The following KRIT1 variants were observed in gnomAD, a reference collection of about 807,000 sequenced individuals.
The protein encoded by KRIT1 is KRIT1 ankyrin repeat containing.
Under a neutral mutation model 95.8 loss-of-function variants are expected in KRIT1, and 45 were observed. The ratio of observed to expected loss-of-function variants is 0.47; its 90% CI spans 0.37 to 0.60. The LOEUF is 0.60. KRIT1 is among the 20% of genes least tolerant of loss of function. The pLI is 0.00. For synonymous variants in KRIT1, 282 were observed against 278.8 expected (o/e 1.01, Z -0.11); for missense variants, 788 against 877.5 (o/e 0.90, Z 1.29).
In KRIT1 at chr7:92,230,242, C is replaced by T. The variant is rs138445507; in HGVS notation, c.990-3560G>A. Among the ~76,000 whole-genome samples the T allele has an allele frequency of 3.5e-3, 536 of 152,070 alleles. 9 individuals carry two copies. Among genetic ancestry groups the T allele is most frequent in the Middle Eastern group, 0.027 (8 of 292 alleles). On this transcript the variant is annotated intron_variant, in intron 10 of 18. Transcript: ENST00000394505. ...GCTTGATGCAGTTAACTAACTTGCC[C>T]AACGTCTCATGGTGACTAGCCAGAG...
At chr7:92,220,318 T>C (rs990591220) in intron 14 of KRIT1, among the ~76,000 whole-genome samples, 2 of 152,192 alleles carry the variant, frequency 1.3e-5, no homozygotes, top group African/African-American at 4.8e-5. Flanking sequence ...ATTCTATTAA[T>C]GTGATTCTAA....
At chr7:92,240,248 C>T (rs1053454933) in intron 5 of KRIT1, among the ~76,000 whole-genome samples, 1 of 152,064 alleles carries the variant, frequency 6.6e-6, no homozygotes, top group Non-Finnish European at 1.5e-5. Flanking sequence ...CAACAAAAAC[C>T]ATCTCTTTAC....
At position 92,222,011 on chromosome 7, in the gene KRIT1, C is replaced by G; in HGVS notation, c.1454G>C (p.Arg485Pro). 6.2e-7 allele frequency: 1 copy of G among 1,613,496 alleles called. No individual in the cohort carries two copies. The highest frequency in any genetic ancestry group is 8.5e-7 in the Non-Finnish European group (1 of 1,179,544). ...KPYHKPLQHV[R>P]DWPEILAELT... ...TTCAGCAAGTATTTCTGGCCAGTCA[C>G]GAACATGTTGCAAGGGTTTATGATA... Residue 485 changes from arginine to proline, a missense_variant, in exon 14 of 19, where the codon CGT becomes CCT. By Grantham distance (103) the Arg-to-Pro change is moderately radical. Around this residue, in one of 3 missense-constraint regions of KRIT1, gnomAD observed 493 missense variants for 582.3 expected, o/e 0.85. Coordinates refer to ENST00000394505, the MANE Select transcript of KRIT1 (RefSeq NM_194454.3).
In KRIT1 at chr7:92,222,817, C is replaced by T. The variant is rs1795401073; in HGVS notation, c.1411+5G>A. The T allele has an allele frequency of 1.3e-6, 2 of 1,583,760 alleles. No individual in the cohort carries two copies. Among genetic ancestry groups the T allele is most frequent in the South Asian group, 2.2e-5 (2 of 90,458 alleles). ...TTTACTATAACATAATAAAAACTTT[C>T]TTACTGAGGTTTTCTGAACAAATCC... On this transcript the variant is annotated splice_donor_5th_base_variant and intron_variant, in intron 13 of 18. Coordinates refer to ENST00000394505, the MANE Select transcript of KRIT1 (RefSeq NM_194454.3).
intron 10 of KRIT1, among the ~76,000 whole-genome samples, chr7:92,233,635 G>C (rs192475664): frequency 1.0e-3 from 155 of 152,110 alleles, no homozygotes; most frequent in Middle Eastern, 3.4e-3. Context: ...TTGATCTCCT[G>C]ACCTCGTGAT....
chr7:92,231,688 A>G (rs1245567392), intron 10 of KRIT1, among the ~76,000 whole-genome samples: 1 of 152,210 alleles, frequency 6.6e-6, no homozygotes, highest in Non-Finnish European at 1.5e-5. Context: ...TTTACTGAAT[A>G]GTTAAATCAT....
At chr7:92,203,512 T>C (rs931569071) in intron 17 of KRIT1, among the ~76,000 whole-genome samples, 5 of 152,208 alleles carry the variant, frequency 3.3e-5, no homozygotes, top group African/African-American at 1.2e-4. Context: ...GAACCTCTTA[T>C]CTAAGGAAAA....
chr7:92,242,860 G>C (rs889768139), intron 3 of KRIT1, among the ~76,000 whole-genome samples: 1 of 152,054 alleles, frequency 6.6e-6, no homozygotes, highest in African/African-American at 2.4e-5. Flanking sequence ...CTGTCACTTA[G>C]GCTAGAGTGC....
At chr7:92,203,224 T>C (rs1230992553) in intron 17 of KRIT1, among the ~76,000 whole-genome samples, 1 of 152,252 alleles carries the variant, frequency 6.6e-6, no homozygotes, top group Admixed American at 6.5e-5. Context: ...GAAGGTATTT[T>C]TGCAGATGAA....
At chr7:92,217,351 C>T (rs1040326381) in intron 14 of KRIT1, among the ~76,000 whole-genome samples, 8 of 152,188 alleles carry the variant, frequency 5.3e-5, no homozygotes, top group African/African-American at 1.9e-4. Context: ...CAACATTGTG[C>T]TACCATCACT....
chr7:92,221,480 G>A (rs1257170352), intron 14 of KRIT1, among the ~76,000 whole-genome samples: 4 of 151,734 alleles, frequency 2.6e-5, no homozygotes, highest in Non-Finnish European at 4.4e-5. Context: ...AATGACTTTC[G>A]CATTCTTCCC....
chr7:92,240,008 G>C (rs1024745018), intron 5 of KRIT1, among the ~76,000 whole-genome samples: 1 of 151,908 alleles, frequency 6.6e-6, no homozygotes, highest in Admixed American at 6.6e-5. Context: ...TGCACCTCAC[G>C]TCTTATAAGT....
intron 7 of KRIT1, chr7:92,236,149 GT>G (rs1272590116): frequency 2.8e-6 from 1 of 356,556 alleles, no homozygotes; most frequent in African/African-American, 2.1e-5. Context: ...TAAATGTATA[GT>G]TTCATAACAG....
Position 92,244,902 on chromosome 7 carries a change from C to G in KRIT1, c.-151G>C, listed in dbSNP as rs1370684282. ...CCTTAATTAGGGGGGTGGCACCTAC[C>G]TGGGATCACTGGAAAATATGGAGGG... On this transcript the variant is annotated splice_region_variant and 5_prime_UTR_variant, in exon 2 of 19. Coordinates refer to ENST00000394505, the MANE Select transcript of KRIT1 (RefSeq NM_194454.3). The G allele has an allele frequency of 6.6e-6, 1 of 151,934 alleles. No homozygotes were observed. Among genetic ancestry groups the G allele is most frequent in the Non-Finnish European group, 1.5e-5 (1 of 68,008 alleles). The allele number at this position is 151,934 out of a possible 1,614,324, so 9.4% of individuals were successfully genotyped here.
At chr7:92,214,522 TA>T in intron 15 of KRIT1, 88 bp downstream of exon 15, 1 of 963,922 alleles carries the variant, frequency 1.0e-6, no homozygotes, top group Non-Finnish European at 1.6e-6. Context: ...ATGTAATGTA[TA>T]AATATTTTCT....
downstream of KRIT1, chr7:92,199,122 T>C (rs1213189368): frequency 6.6e-6 from 1 of 152,124 alleles, no homozygotes; most frequent in African/African-American, 2.4e-5. Context: ...AGAAAAGAAG[T>C]TGAGGCTAAA....
intron 17 of KRIT1, among the ~76,000 whole-genome samples, chr7:92,203,777 C>T (rs1000756633): frequency 6.6e-6 from 1 of 152,058 alleles, no homozygotes; most frequent in East Asian, 1.9e-4. Context: ...GAATGATTTG[C>T]AGATGTTGGT....
intron 9 of KRIT1, 82 bp downstream of exon 9, chr7:92,234,726 T>C (rs1798033622): frequency 2.7e-6 from 3 of 1,101,866 alleles, no homozygotes; most frequent in Admixed American, 1.7e-5. Context: ...TGCATACAAA[T>C]TGCATATATA....
In KRIT1 at chr7:92,233,409, C is replaced by G. The variant is rs1184379301; in HGVS notation, c.989+1040G>C. On this transcript the variant is annotated intron_variant, in intron 10 of 18. Coordinates refer to ENST00000394505, the MANE Select transcript of KRIT1 (RefSeq NM_194454.3). The stretch of plus-strand genomic sequence containing the variant: ...TAACAAGGCAATAAATAATGTGGTA[C>G]TTTTTTTTTTTTTTTTGAAATGGAA... Among the ~76,000 whole-genome samples, 9 of 140,178 alleles carry G rather than the reference C, an allele frequency of 6.4e-5. No homozygotes were observed. The East Asian group carries it at 1.9e-3, about 29-fold the overall frequency. 92.0% of individuals were successfully genotyped at this position (140,178 alleles called of 152,430 possible). A position where few individuals can be genotyped will look rare whatever the true frequency, so the allele number is the denominator to read the frequency against.
Sources: gnomAD v4.1 joint callset for allele counts (sites outside exome capture counted in the v4.1 genomes callset) on GRCh38, gnomAD v4.1.1 for gene constraint, gnomAD v4.1.1 regional missense constraint, MANE v1.5 for transcripts, NCBI Gene and HGNC (gene_info 2026-07-23, HGNC 2026-07-21) for gene names.